Variants in CCDC7 observed in about 807,000 individuals in gnomAD.
The protein encoded by CCDC7 is coiled-coil domain containing 7.
A neutral mutation model predicts 196.9 loss-of-function variants in CCDC7; 183 were observed. That is an observed-to-expected ratio of 0.93 (90% confidence interval 0.82 to 1.05). The LOEUF is 1.05. Ranked by LOEUF, CCDC7 falls within the 50% of genes least tolerant of loss-of-function variation. CCDC7 has a pLI of 0.00. For missense variants in CCDC7, 1,540 were observed against 1,482.2 expected, an observed-to-expected ratio of 1.04 and a Z score of -0.64; for synonymous variants, 525 against 484.6, an observed-to-expected ratio of 1.08 and a Z score of -1.10.
chr10:32,738,868 T>C (rs2085339053), intron 28 of CCDC7, among the ~76,000 whole-genome samples: 1 of 152,162 alleles, frequency 6.6e-6, no homozygotes, highest in Admixed American at 6.5e-5. Context: ...GAAGAATGTT[T>C]AAAAATATTT....
At chr10:32,564,133 T>G (rs1432878675) in intron 13 of CCDC7, among the ~76,000 whole-genome samples, 1 of 152,164 alleles carries the variant, frequency 6.6e-6, no homozygotes, top group Non-Finnish European at 1.5e-5. Flanking sequence ...ATGGCAATCA[T>G]TAAGAAGTCA....
At chr10:32,525,042 C>T (rs375487376) in intron 11 of CCDC7, among the ~76,000 whole-genome samples, 2 of 151,846 alleles carry the variant, frequency 1.3e-5, no homozygotes, top group East Asian at 1.9e-4. Flanking sequence ...AGATCTTGTA[C>T]GTGTGCTTCA....
intron 28 of CCDC7, among the ~76,000 whole-genome samples, chr10:32,735,074 A>G (rs1339389478): frequency 6.6e-6 from 1 of 151,628 alleles, no homozygotes; most frequent in Non-Finnish European, 1.5e-5. Flanking sequence ...TTGGTGCTAT[A>G]TGATTTCAGT....
intron 20 of CCDC7, among the ~76,000 whole-genome samples, chr10:32,656,830 T>C (rs1416092706): frequency 6.6e-6 from 1 of 152,192 alleles, no homozygotes; most frequent in Non-Finnish European, 1.5e-5. Context: ...TAAGTACTTG[T>C]GAGACAAGGC....
At chr10:32,771,509 GT>G (rs1160714566) in intron 28 of CCDC7, among the ~76,000 whole-genome samples, 2 of 152,164 alleles carry the variant, frequency 1.3e-5, no homozygotes, top group East Asian at 1.9e-4. Context: ...TAGTCTGATA[GT>G]TTTTTTCTTT....
intron 21 of CCDC7, among the ~76,000 whole-genome samples, chr10:32,667,456 C>G (rs980676707): frequency 6.6e-6 from 1 of 152,140 alleles, no homozygotes; most frequent in African/African-American, 2.4e-5. Context: ...TGCCTATGTC[C>G]TGAATGGTAT....
At chr10:32,771,184 A>G (rs142704439) in intron 28 of CCDC7, among the ~76,000 whole-genome samples, 1,848 of 152,338 alleles carry the variant, frequency 0.012, 124 homozygotes, top group Admixed American at 0.11. Flanking sequence ...TTCAGCTTTC[A>G]AGAAATTATA....
At chr10:32,690,693 C>T (rs2076983022) in intron 23 of CCDC7, among the ~76,000 whole-genome samples, 1 of 152,184 alleles carries the variant, frequency 6.6e-6, no homozygotes, top group African/African-American at 2.4e-5. Context: ...GGAAGCTATT[C>T]TGGGAAACAA....
intron 20 of CCDC7, among the ~76,000 whole-genome samples, chr10:32,663,716 A>C (rs1053292967): frequency 2.6e-5 from 4 of 152,008 alleles, no homozygotes; most frequent in African/African-American, 9.7e-5. Flanking sequence ...AGTATTTTGT[A>C]ATTAAAAGTA....
chr10:32,789,573 AC>A (rs1273731144), intron 29 of CCDC7, among the ~76,000 whole-genome samples: 3 of 150,752 alleles, frequency 2.0e-5, no homozygotes, highest in Non-Finnish European at 4.4e-5. Flanking sequence ...AAAAAAAAAA[AC>A]CCTACAAGAA....
chr10:32,869,604 A>G (rs190218744), intron 41 of CCDC7, among the ~76,000 whole-genome samples: 81 of 152,042 alleles, frequency 5.3e-4, no homozygotes, highest in African/African-American at 1.8e-3. Context: ...TTTTGTTGCC[A>G]TTGCTTTTGG....
At chr10:32,604,631 T>G (rs1173926365) in intron 18 of CCDC7, among the ~76,000 whole-genome samples, 1 of 152,116 alleles carries the variant, frequency 6.6e-6, no homozygotes, top group East Asian at 1.9e-4. Context: ...TTTACAGAGG[T>G]CTTTCACCTT....
intron 16 of CCDC7, among the ~76,000 whole-genome samples, chr10:32,576,529 C>G (rs1336570701): frequency 6.8e-6 from 1 of 146,154 alleles, no homozygotes; most frequent in African/African-American, 2.5e-5. Flanking sequence ...GCCTGATGGA[C>G]AACAGTGGCC....
At chr10:32,558,600 A>G (rs2054761239) in intron 13 of CCDC7, among the ~76,000 whole-genome samples, 1 of 152,216 alleles carries the variant, frequency 6.6e-6, no homozygotes, top group Non-Finnish European at 1.5e-5. Flanking sequence ...CCCTCAAACT[A>G]AAAGCCACAA....
At chr10:32,538,965 C>T (rs1352526594) in intron 11 of CCDC7, among the ~76,000 whole-genome samples, 1 of 152,090 alleles carries the variant, frequency 6.6e-6, no homozygotes, top group Admixed American at 6.5e-5. Context: ...TGTGTCTCTG[C>T]CAAGTTTTGG....
chr10:32,862,769 T>C (rs2094053550), intron 41 of CCDC7, among the ~76,000 whole-genome samples: 1 of 152,050 alleles, frequency 6.6e-6, no homozygotes, highest in African/African-American at 2.4e-5. Flanking sequence ...CATGATCTTA[T>C]ATATAGGAAA....
At chr10:32,485,981 G>T (rs560501593) in intron 8 of CCDC7, among the ~76,000 whole-genome samples, 1 of 152,308 alleles carries the variant, frequency 6.6e-6, no homozygotes, top group African/African-American at 2.4e-5. Flanking sequence ...CGGTTGATTT[G>T]GGGTGGAGAG....
At chr10:32,773,345 GC>G (rs745391067) in intron 28 of CCDC7, among the ~76,000 whole-genome samples, 8 of 151,970 alleles carry the variant, frequency 5.3e-5, no homozygotes, top group Non-Finnish European at 1.2e-4. Context: ...ATTCTGATAG[GC>G]CTTCTTCATT....
chr10:32,708,665 T>C (rs370610672), intron 24 of CCDC7, among the ~76,000 whole-genome samples: 11 of 152,316 alleles, frequency 7.2e-5, no homozygotes, highest in African/African-American at 2.4e-4. Flanking sequence ...GCGAAGCATA[T>C]GAACAGACAC....
Sources: allele counts gnomAD v4.1 joint callset (sites outside exome capture counted in the v4.1 genomes callset), GRCh38; gene constraint gnomAD v4.1.1; transcripts MANE v1.5; gene names NCBI Gene and HGNC (gene_info 2026-07-23, HGNC 2026-07-21).